Variants in MMP26 observed in about 807,000 individuals in gnomAD.
MMP26 encodes matrix metallopeptidase 26, also known as matrix metalloproteinase-26.
In MMP26, 33 loss-of-function variants were observed where a neutral mutation model predicts 31.0. That is an observed-to-expected ratio of 1.06 (90% CI 0.81 to 1.42). MMP26 has a LOEUF of 1.42. MMP26 is among the 40% of genes most tolerant of loss of function. The probability of loss-of-function intolerance (pLI) is 0.00; values close to 1 mark genes in which losing one functional copy is unlikely to be tolerated. For missense variants in MMP26, 347 were observed against 316.1 expected (o/e 1.10, Z -0.74); for synonymous variants, 122 against 114.9 (o/e 1.06, Z -0.40).
intron 2 of MMP26, chr11:4,860,403 C>T (rs1033615890): frequency 6.4e-6 from 3 of 471,070 alleles, no homozygotes; most frequent in Admixed American, 2.3e-5. Flanking sequence ...GGAGACTTGG[C>T]TCCACCTTGA....
intron 2 of MMP26, chr11:4,919,078 A>G (rs1589939103): frequency 6.6e-6 from 1 of 152,362 alleles, no homozygotes; most frequent in East Asian, 1.9e-4. Flanking sequence ...AAACAAGGAA[A>G]TTGACTGATG....
rs113922332 is a variant in MMP26, at chr11:4,914,861, C to T, written c.-144-73207C>T. 1.5e-4 allele frequency: 236 copies of T among 1,613,924 alleles called. 1 individual carries two copies. Among genetic ancestry groups the T allele is most frequent in the East Asian group, 7.6e-4 (34 of 44,836 alleles). On this transcript the variant is annotated intron_variant, in intron 2 of 7. Transcript: ENST00000380390. ...CAGGTGGGGTGCCTGCTTTCCAAAGCGATGGATGACAGAGAGGCCAATCAT... is the reference window on the plus strand; with the variant it reads ...CAGGTGGGGTGCCTGCTTTCCAAAGTGATGGATGACAGAGAGGCCAATCAT...
At chr11:4,725,628 G>A (rs1404167388) in intron 1 of MMP26, among the ~76,000 whole-genome samples, 1 of 152,170 alleles carries the variant, frequency 6.6e-6, no homozygotes. Flanking sequence ...TAAGACTTGT[G>A]AAGAGGACCA....
chr11:4,979,372 G>A (rs910216521), intron 2 of MMP26, among the ~76,000 whole-genome samples: 1 of 152,142 alleles, frequency 6.6e-6, no homozygotes, highest in Non-Finnish European at 1.5e-5. Flanking sequence ...GTCCTCCAAA[G>A]GGATTGACAG....
intron 2 of MMP26, among the ~76,000 whole-genome samples, chr11:4,927,722 C>T (rs1027090609): frequency 2.0e-5 from 3 of 152,088 alleles, no homozygotes; most frequent in East Asian, 1.9e-4. Flanking sequence ...AAGACTATTC[C>T]GTTTAGACTC....
chr11:4,786,126 G>A (rs1278902234), intron 2 of MMP26, among the ~76,000 whole-genome samples: 1 of 152,074 alleles, frequency 6.6e-6, no homozygotes, highest in African/African-American at 2.4e-5. Context: ...TCTCAGCCTG[G>A]GTGTGTGTGA....
chr11:4,877,684 A>G (rs1850402256), intron 2 of MMP26: 1 of 152,172 alleles, frequency 6.6e-6, no homozygotes, highest in East Asian at 1.9e-4. Context: ...TGAGGAACTG[A>G]ATTTTAAATG....
intron 2 of MMP26, chr11:4,946,448 G>A (rs12271991): frequency 0.12 from 146,728 of 1,191,014 alleles, 10,071 homozygotes; most frequent in Middle Eastern, 0.21. Flanking sequence ...CAGGGTGTAA[G>A]ACACAGCAAT....
At chr11:4,965,724 C>T (rs925582704) in intron 2 of MMP26, among the ~76,000 whole-genome samples, 2 of 152,120 alleles carry the variant, frequency 1.3e-5, no homozygotes, top group East Asian at 1.9e-4. Context: ...CATTTTACAA[C>T]TCCGTAAGTT....
chr11:4,792,970 A>T (rs1849050772), intron 2 of MMP26, among the ~76,000 whole-genome samples: 1 of 152,184 alleles, frequency 6.6e-6, no homozygotes, highest in Non-Finnish European at 1.5e-5. Flanking sequence ...CAGTAAAAAC[A>T]AGCAACTAAA....
chr11:4,798,091 C>T (rs1379055181), intron 2 of MMP26, among the ~76,000 whole-genome samples: 1 of 152,196 alleles, frequency 6.6e-6, no homozygotes, highest in African/African-American at 2.4e-5. Context: ...GGAGGACTTC[C>T]CAAAACTAGA....
chr11:4,836,826 ATT>A (rs551669223), intron 2 of MMP26, among the ~76,000 whole-genome samples: 6 of 142,344 alleles, frequency 4.2e-5, no homozygotes, highest in African/African-American at 5.1e-5. Context: ...TGCCCAGCTA[ATT>A]TTTTTTTTTT....
chr11:4,715,140 T>C (rs1025809515), intron 1 of MMP26, among the ~76,000 whole-genome samples: 1 of 152,148 alleles, frequency 6.6e-6, no homozygotes, highest in Admixed American at 6.5e-5. Flanking sequence ...CATGTATATA[T>C]TGTATGCCCA....
chr11:4,924,033 G>A, intron 2 of MMP26: 1 of 1,614,130 alleles, frequency 6.2e-7, no homozygotes, highest in Non-Finnish European at 8.5e-7. Flanking sequence ...ATGAAGAAGA[G>A]CTGAGTGAAA....
At chr11:4,806,950 A>G (rs1849278681) in intron 2 of MMP26, among the ~76,000 whole-genome samples, 2 of 152,122 alleles carry the variant, frequency 1.3e-5, no homozygotes, top group South Asian at 2.1e-4. Flanking sequence ...TCGTGGGGAC[A>G]GTCCCCCAGC....
At chr11:4,801,181 A>G (rs1045122622) in intron 2 of MMP26, among the ~76,000 whole-genome samples, 14 of 151,866 alleles carry the variant, frequency 9.2e-5, no homozygotes, top group African/African-American at 3.1e-4. Context: ...AGTTCTCTGA[A>G]CTCTTCTAAC....
chr11:4,795,937 T>C (rs1345884184), intron 2 of MMP26, among the ~76,000 whole-genome samples: 1 of 152,184 alleles, frequency 6.6e-6, no homozygotes, highest in South Asian at 2.1e-4. Context: ...AAGATGGTTT[T>C]CATGATTCTG....
At chr11:4,733,685 G>C (rs557513526) in intron 1 of MMP26, among the ~76,000 whole-genome samples, 96 of 152,162 alleles carry the variant, frequency 6.3e-4, no homozygotes, top group South Asian at 3.5e-3. Context: ...GCCTTGTCTA[G>C]CTGTTGTGGC....
chr11:4,762,657 C>T (rs949366211), intron 1 of MMP26, among the ~76,000 whole-genome samples: 6 of 152,164 alleles, frequency 3.9e-5, no homozygotes, highest in African/African-American at 1.4e-4. Context: ...TCTGGTTAAT[C>T]TAGCAAGTTT....
Sources: gnomAD v4.1 joint callset for allele counts (sites outside exome capture counted in the v4.1 genomes callset) on GRCh38, gnomAD v4.1.1 for gene constraint, MANE v1.5 for transcripts, NCBI Gene and HGNC (gene_info 2026-07-23, HGNC 2026-07-21) for gene names.